PHACTR1: variants seen among roughly 807,000 people sequenced by gnomAD.
PHACTR1 encodes RPEL repeat containing 1.
Under a neutral mutation model 69.2 loss-of-function variants are expected in PHACTR1, and 16 were observed. The observed-to-expected ratio is 0.23, with a 90% CI of 0.16 to 0.35. The LOEUF is 0.35. Among genes scored for constraint, PHACTR1 ranks in the 10% least tolerant of loss-of-function variants. The pLI, the probability that PHACTR1 is intolerant of heterozygous loss-of-function variation, is 1.00. For missense variants in PHACTR1, 510 were observed against 734.7 expected (o/e 0.69, Z 3.54); for synonymous variants, 312 against 284.5 (o/e 1.10, Z -0.97).
chr6:13,064,159 G>T (rs1441626982), intron 5 of PHACTR1, among the ~76,000 whole-genome samples: 1 of 152,100 alleles, frequency 6.6e-6, no homozygotes, highest in African/African-American at 2.4e-5. Context: ...AGACTGGTTA[G>T]CAGGTGGTTG....
chr6:13,133,569 T>C (rs908240166), intron 5 of PHACTR1, among the ~76,000 whole-genome samples: 2 of 152,086 alleles, frequency 1.3e-5, no homozygotes, highest in African/African-American at 4.8e-5. Context: ...GGTGCCGGGA[T>C]TGCAGACGGA....
Position 13,237,135 on chromosome 6 carries a change from G to T in PHACTR1, c.1391+6942G>T, listed in dbSNP as rs770628805. On this transcript the variant is annotated intron_variant, in intron 10 of 14. Coordinates refer to ENST00000332995, the MANE Select transcript of PHACTR1 (RefSeq NM_030948.6). Reference sequence around the variant, plus strand: ...CTCATGCCTATAATCCCAGCACTTTGGGGGGCCAAAGTAGAAGGATCACTT... The same window carrying T: ...CTCATGCCTATAATCCCAGCACTTTTGGGGGCCAAAGTAGAAGGATCACTT... Among the ~76,000 whole-genome samples the T allele has an allele frequency of 2.9e-3, 434 of 152,218 alleles. 3 individuals carry two copies. The highest frequency in any genetic ancestry group is 0.01 in the Middle Eastern group (3 of 294).
At chr6:13,117,522 C>T (rs955370688) in intron 5 of PHACTR1, among the ~76,000 whole-genome samples, 5 of 152,146 alleles carry the variant, frequency 3.3e-5, no homozygotes, top group African/African-American at 1.2e-4. Flanking sequence ...CACCATCTGA[C>T]CTGCTTAATT....
At chr6:12,805,577 T>TTC (rs771502790) in intron 4 of PHACTR1, among the ~76,000 whole-genome samples, 11 of 151,880 alleles carry the variant, frequency 7.2e-5, no homozygotes, top group Non-Finnish European at 1.2e-4. Context: ...CTTTCTTTCT[T>TTC]TCTCTCTCTC....
chr6:13,168,129 A>C (rs749843646), intron 6 of PHACTR1, among the ~76,000 whole-genome samples: 1 of 152,206 alleles, frequency 6.6e-6, no homozygotes, highest in Admixed American at 6.5e-5. Flanking sequence ...CATTTTCTGA[A>C]AGCTGTGATT....
At chr6:12,783,245 C>G (rs1027034442) in intron 4 of PHACTR1, among the ~76,000 whole-genome samples, 1 of 152,268 alleles carries the variant, frequency 6.6e-6, no homozygotes, top group African/African-American at 2.4e-5. Flanking sequence ...AAGGCACATA[C>G]TCATTTTGTT....
At chr6:13,016,737 C>T (rs1300399009) in intron 4 of PHACTR1, among the ~76,000 whole-genome samples, 1 of 151,836 alleles carries the variant, frequency 6.6e-6, no homozygotes, top group African/African-American at 2.4e-5. Flanking sequence ...CACAATTCAC[C>T]ATTAATGGCC....
At chr6:12,837,625 ATC>A (rs957563959) in intron 4 of PHACTR1, among the ~76,000 whole-genome samples, 2 of 151,450 alleles carry the variant, frequency 1.3e-5, no homozygotes, top group African/African-American at 4.8e-5. Context: ...AACCACAAAA[ATC>A]TCTTTTTCTC....
chr6:12,831,601 T>A (rs1242187401), intron 4 of PHACTR1, among the ~76,000 whole-genome samples: 1 of 152,140 alleles, frequency 6.6e-6, no homozygotes, highest in Non-Finnish European at 1.5e-5. Context: ...GAAGTGTTTC[T>A]TACCTCATAG....
Position 13,160,217 on chromosome 6 carries a change from A to G in PHACTR1, c.429A>G (p.Lys143=). ...TTTTGTTTGTAGCCCTGGAAAGGAA[A>G]ATATCTATGAGGCAAAGCAGAGAAG... The part of the protein sequence containing the change: ...FKHTSAALER[K]ISMRQSREEL... The change falls in exon 6 of 15, where the codon AAA becomes AAG. Residue 143 remains lysine, a synonymous_variant. Transcript: ENST00000332995. 3 of 1,613,756 alleles carry G rather than the reference A, an allele frequency of 1.9e-6. No individual in the cohort carries two copies. Among genetic ancestry groups the G allele is most frequent in the East Asian group, 2.2e-5 (1 of 44,864 alleles).
At chr6:13,164,927 CAAG>C (rs1759570704) in intron 6 of PHACTR1, among the ~76,000 whole-genome samples, 1 of 146,258 alleles carries the variant, frequency 6.8e-6, no homozygotes, top group Non-Finnish European at 1.5e-5. Flanking sequence ...GTGTGTTAGA[CAAG>C]AAGAGCATAG....
intron 5 of PHACTR1, among the ~76,000 whole-genome samples, chr6:13,135,140 C>T (rs962140976): frequency 3.3e-5 from 5 of 152,218 alleles, no homozygotes; most frequent in Admixed American, 6.5e-5. Flanking sequence ...CACCACCTCC[C>T]ACTAAACCGT....
At chr6:13,043,040 C>T (rs894938771) in intron 4 of PHACTR1, among the ~76,000 whole-genome samples, 1 of 152,138 alleles carries the variant, frequency 6.6e-6, no homozygotes, top group Non-Finnish European at 1.5e-5. Context: ...ATCCAGAAGA[C>T]CAAGTGATGT....
intron 5 of PHACTR1, among the ~76,000 whole-genome samples, chr6:13,077,704 A>AG (rs1491550614): frequency 2.0e-5 from 3 of 152,126 alleles, no homozygotes; most frequent in Non-Finnish European, 4.4e-5. Context: ...CAACAGGAAC[A>AG]GGGGGAGCCT....
At chr6:12,880,503 A>G (rs746421224) in intron 4 of PHACTR1, among the ~76,000 whole-genome samples, 1 of 152,128 alleles carries the variant, frequency 6.6e-6, no homozygotes, top group Non-Finnish European at 1.5e-5. Context: ...TGATCTGTCC[A>G]CATTGGCATC....
rs548669291 is a variant in PHACTR1, at chr6:12,726,079, G to C, written c.103+7232G>C. Among the ~76,000 whole-genome samples, 5 of 152,194 alleles carry C rather than the reference G, an allele frequency of 3.3e-5. No individual in the cohort carries two copies. In the South Asian group the frequency reaches 1.0e-3, roughly 32 times the overall value. On this transcript the variant is annotated intron_variant, in intron 3 of 14. Coordinates refer to ENST00000332995, the MANE Select transcript of PHACTR1 (RefSeq NM_030948.6). Reference sequence around the variant, plus strand: ...TGCAAAAATAATATTCAAATACATAGAGATATAGGCAATGGAAGCAAGTCA... The same window carrying C: ...TGCAAAAATAATATTCAAATACATACAGATATAGGCAATGGAAGCAAGTCA...
chr6:12,974,203 A>T (rs1794593569), intron 4 of PHACTR1, among the ~76,000 whole-genome samples: 1 of 152,128 alleles, frequency 6.6e-6, no homozygotes, highest in Admixed American at 6.5e-5. Flanking sequence ...TACAGGTGTG[A>T]ACCACCGTGC....
chr6:12,773,591 G>A (rs1399756559), intron 4 of PHACTR1, among the ~76,000 whole-genome samples: 1 of 152,044 alleles, frequency 6.6e-6, no homozygotes, highest in Non-Finnish European at 1.5e-5. Context: ...GAACCAGAAG[G>A]CTGTCAGTTA....
At chr6:13,266,728 G>T (rs2127433130) in intron 10 of PHACTR1, 1 of 152,374 alleles carries the variant, frequency 6.6e-6, no homozygotes, top group South Asian at 2.1e-4. Flanking sequence ...TAAACAACCA[G>T]ATCTCGCGAG....
Sources: allele counts gnomAD v4.1 joint callset (sites outside exome capture counted in the v4.1 genomes callset), GRCh38; gene constraint gnomAD v4.1.1; transcripts MANE v1.5; gene names NCBI Gene and HGNC (gene_info 2026-07-23, HGNC 2026-07-21).